The following UGT2A3 variants were observed in gnomAD, a reference collection of about 807,000 sequenced individuals.
UGT2A3 encodes UDP-glucuronosyltransferase 2A3.
In UGT2A3, 55 loss-of-function variants were observed where a neutral mutation model predicts 44.1. The observed-to-expected ratio is 1.25, with a 90% CI of 1.00 to 1.56. UGT2A3 has a LOEUF of 1.56. Among genes scored for constraint, UGT2A3 ranks in the 40% most tolerant of loss-of-function variants. The pLI, the probability that UGT2A3 is intolerant of heterozygous loss-of-function variation, is 0.00. For missense variants in UGT2A3, 733 were observed against 621.6 expected (o/e 1.18, Z -1.91); for synonymous variants, 243 against 215.1 (o/e 1.13, Z -1.13).
chr4:68,951,028 A>G lies in UGT2A3; in HGVS notation c.715+18T>C. 1 of 1,470,208 alleles carries G rather than the reference A, an allele frequency of 6.8e-7. No homozygotes were observed. The highest frequency in any genetic ancestry group is 9.1e-7 in the Non-Finnish European group (1 of 1,099,986). The allele number at this position is 1,470,208 out of a possible 1,614,324, so 91.1% of individuals were successfully genotyped here. ...TTCTTTTGATAACTAAATTAAAAAT[A>G]AAACAAAAGTGTCTTACCTAATGCC... On this transcript the variant is annotated intron_variant, in intron 1 of 5. Transcript: ENST00000251566.
At chr4:68,932,211 A>C (rs1717763104) in intron 3 of UGT2A3, among the ~76,000 whole-genome samples, 1 of 151,934 alleles carries the variant, frequency 6.6e-6, no homozygotes, top group South Asian at 2.1e-4. Flanking sequence ...ATTTCTAAGC[A>C]AAACTACCCT....
intron 2 of UGT2A3, among the ~76,000 whole-genome samples, chr4:68,942,006 G>T (rs1718205083): frequency 6.6e-6 from 1 of 151,720 alleles, no homozygotes; most frequent in Admixed American, 6.6e-5. Context: ...TGCAGAGAAA[G>T]AAGATCTTTT....
intron 2 of UGT2A3, among the ~76,000 whole-genome samples, chr4:68,936,039 G>A (rs571179630): frequency 2.0e-5 from 3 of 152,048 alleles, no homozygotes; most frequent in African/African-American, 7.2e-5. Context: ...AAGGAACAAA[G>A]CCTCCAAGAA....
intron 1 of UGT2A3, among the ~76,000 whole-genome samples, chr4:68,946,763 T>C (rs1718398376): frequency 6.6e-6 from 1 of 151,686 alleles, no homozygotes; most frequent in Non-Finnish European, 1.5e-5. Flanking sequence ...CTTGGAGATA[T>C]TGCAAGATAA....
At chr4:68,937,047 C>A (rs1343812038) in intron 2 of UGT2A3, among the ~76,000 whole-genome samples, 1 of 151,944 alleles carries the variant, frequency 6.6e-6, no homozygotes, top group South Asian at 2.1e-4. Flanking sequence ...TATATGCACC[C>A]AATACAGGAG....
intron 2 of UGT2A3, among the ~76,000 whole-genome samples, chr4:68,942,335 C>A (rs568112720): frequency 0.015 from 2,139 of 142,276 alleles, 26 homozygotes; most frequent in South Asian, 0.024. Context: ...CTCTCTCTCT[C>A]TCTCTATATA....
Position 68,945,419 on chromosome 4 carries a change from C to A in UGT2A3, c.751G>T (p.Ala251Ser). ...PTTLCETVGK[A>S]EIWLIRTYWD... ...TATGTTCGTATTAGCCATATCTCAG[C>A]TTTTCCCACAGTCTCACATAATGTA... Residue 251 changes from alanine (A) to serine (S), a missense_variant, in exon 2 of 6, where the codon GCT becomes TCT. Transcript: ENST00000251566. 2 of 1,611,006 alleles carry A rather than the reference C, an allele frequency of 1.2e-6. No homozygotes were observed. The highest frequency in any genetic ancestry group is 1.7e-6 in the Non-Finnish European group (2 of 1,178,244).
chr4:68,932,422 T>C (rs1278062467), intron 3 of UGT2A3, among the ~76,000 whole-genome samples: 1 of 152,016 alleles, frequency 6.6e-6, no homozygotes, highest in Non-Finnish European at 1.5e-5. Context: ...TATTTTATTA[T>C]AAACAAATGA....
chr4:68,951,560 C>T lies in UGT2A3; in HGVS notation c.201G>A (p.Arg67=). 5 of 1,613,050 alleles carry T rather than the reference C, an allele frequency of 3.1e-6. No individual in the cohort carries two copies. Among genetic ancestry groups the T allele is most frequent in the Non-Finnish European group, 2.5e-6 (3 of 1,179,472 alleles). ...CCTCAAATTTCAATGCAGAAGGCTT[C>T]CTGTAGTCAATTAACGAAGGCTTTG... ...THSKPSLIDY[R]KPSALKFEVV... Residue 67 remains arginine, a synonymous_variant, in exon 1 of 6, where the codon AGG becomes AGA. Coordinates refer to ENST00000251566, the MANE Select transcript of UGT2A3 (RefSeq NM_024743.4).
chr4:68,934,118 T>C (rs954323374), intron 2 of UGT2A3, among the ~76,000 whole-genome samples: 1 of 151,936 alleles, frequency 6.6e-6, no homozygotes, highest in Non-Finnish European at 1.5e-5. Flanking sequence ...ACCAAAAGTT[T>C]TGAAAATGCT....
At chr4:68,935,108 T>C (rs1717884354) in intron 2 of UGT2A3, among the ~76,000 whole-genome samples, 1 of 151,136 alleles carries the variant, frequency 6.6e-6, no homozygotes, top group African/African-American at 2.4e-5. Context: ...TGAGCTAAGG[T>C]CTTCACTATG....
Position 68,929,994 on chromosome 4 carries a change from T to C in UGT2A3, c.1403A>G (p.His468Arg), listed in dbSNP as rs942788912. Reference sequence around the variant, plus strand: ...TGATCGCAGGTGCTTGGCTCCTTTGTGGCGCATGACAAACTCGATCCAGAA... The same window carrying C: ...TGATCGCAGGTGCTTGGCTCCTTTGCGGCGCATGACAAACTCGATCCAGAA... ...AVFWIEFVMRHKGAKHLRSAA... is the reference protein window; with the variant it reads ...AVFWIEFVMRRKGAKHLRSAA... Residue 468 changes from histidine (H) to arginine (R), a missense_variant, in exon 6 of 6, where the codon CAC becomes CGC. His to Arg is a conservative substitution (Grantham distance 29, BLOSUM62 0). Coordinates refer to ENST00000251566, the MANE Select transcript of UGT2A3 (RefSeq NM_024743.4). 2 of 1,613,558 alleles carry C rather than the reference T, an allele frequency of 1.2e-6. No homozygotes were observed. Among genetic ancestry groups the C allele is most frequent in the Middle Eastern group, 1.6e-4 (1 of 6,062 alleles).
intron 3 of UGT2A3, 85 bp from the exon 4 acceptor site, chr4:68,931,327 C>G: frequency 9.2e-7 from 1 of 1,084,888 alleles, no homozygotes; most frequent in Non-Finnish European, 1.4e-6. Context: ...AAATTATAAA[C>G]TCATTGTACT....
chr4:68,950,801 G>A (rs535035161), intron 1 of UGT2A3, among the ~76,000 whole-genome samples: 16 of 151,768 alleles, frequency 1.1e-4, no homozygotes, highest in East Asian at 7.8e-4. Flanking sequence ...GTTGATTTGC[G>A]CTATTTGGAG....
chr4:68,945,209 A>G, intron 2 of UGT2A3, 97 bp downstream of exon 2: 1 of 1,438,392 alleles, frequency 7.0e-7, no homozygotes, highest in Non-Finnish European at 9.6e-7. Context: ...AACAGAAGAC[A>G]TTCAACATCA....
intron 2 of UGT2A3, among the ~76,000 whole-genome samples, chr4:68,938,855 C>T (rs1718072591): frequency 6.6e-6 from 1 of 152,152 alleles, no homozygotes. Flanking sequence ...TCAGCAAAGT[C>T]TGAGGATACA....
intron 1 of UGT2A3, among the ~76,000 whole-genome samples, chr4:68,947,445 A>T (rs769950399): frequency 3.3e-5 from 5 of 151,686 alleles, no homozygotes; most frequent in African/African-American, 4.8e-5. Flanking sequence ...TTTTTTCATG[A>T]CCACCCCATC....
At chr4:68,949,052 G>A (rs995460657) in intron 1 of UGT2A3, among the ~76,000 whole-genome samples, 4 of 151,582 alleles carry the variant, frequency 2.6e-5, no homozygotes, top group Non-Finnish European at 4.4e-5. Flanking sequence ...ATCTCTCCTG[G>A]GACCTAATAG....
At chr4:68,938,444 A>G (rs937203892) in intron 2 of UGT2A3, among the ~76,000 whole-genome samples, 3 of 152,052 alleles carry the variant, frequency 2.0e-5, no homozygotes, top group Non-Finnish European at 2.9e-5. Flanking sequence ...AGCAGAAACA[A>G]CGAGGAAAAC....
Sources: allele counts gnomAD v4.1 joint callset (sites outside exome capture counted in the v4.1 genomes callset), GRCh38; gene constraint gnomAD v4.1.1; transcripts MANE v1.5; gene names NCBI Gene and HGNC (gene_info 2026-07-23, HGNC 2026-07-21).